DAND5: variants seen among roughly 807,000 people sequenced by gnomAD.
The protein encoded by DAND5 is DAN domain family member 5.
In DAND5, 8 loss-of-function variants were observed where a neutral mutation model predicts 9.2. The observed-to-expected ratio is 0.87, with a 90% confidence interval of 0.51 to 1.56. DAND5 has a LOEUF of 1.56. Ranked by LOEUF, DAND5 falls within the 40% of genes most tolerant of loss-of-function variation. DAND5 has a pLI of 0.00. For synonymous variants in DAND5, 95 were observed against 101.1 expected (o/e 0.94, Z 0.36); for missense variants, 244 against 244.7 (o/e 1.00, Z 0.02).
Position 12,973,863 on chromosome 19 carries a change from CTTTTT to C in DAND5, c.*242_*246del, listed in dbSNP as rs113289497. The C allele has an allele frequency of 2.7e-4, 93 of 348,550 alleles. No homozygotes were observed. Among genetic ancestry groups the C allele is most frequent in the Middle Eastern group, 8.9e-4 (1 of 1,120 alleles). 21.6% of individuals were successfully genotyped at this position (348,550 alleles called of 1,614,324 possible). A position where few individuals can be genotyped will look rare whatever the true frequency, so the allele number is the denominator to read the frequency against. ...ACAGCACACAATGATTGACAACTCA[CTTTTT>C]TTTTTTTTTTTTGAGATGGAGTCTC... is the stretch of plus-strand genomic sequence containing the variant. On this transcript the variant is annotated 3_prime_UTR_variant, in exon 2 of 2. Coordinates refer to ENST00000317060, the MANE Select transcript of DAND5 (RefSeq NM_152654.3).
rs962639553 is a variant in DAND5, at chr19:12,974,694, T to G, written c.*1060T>G. ...CCCTCTCAGACCCCCCACCTGAGTC[T>G]CCACAGAGCCCCACGCCTGGCATGG... On this transcript the variant is annotated 3_prime_UTR_variant, in exon 2 of 2. Coordinates refer to ENST00000317060, the MANE Select transcript of DAND5 (RefSeq NM_152654.3). 3.3e-5 allele frequency: 5 copies of G among 152,700 alleles called. No homozygotes were observed. The highest frequency in any genetic ancestry group is 2.6e-4 in the Admixed American group (4 of 15,280). 9.5% of individuals were successfully genotyped at this position (152,700 alleles called of 1,614,324 possible).
chr19:12,971,749 C>T (rs1444249442), intron 1 of DAND5, among the ~76,000 whole-genome samples: 1 of 151,886 alleles, frequency 6.6e-6, no homozygotes, highest in South Asian at 2.1e-4. Flanking sequence ...TGCCACCATG[C>T]TCAGCTAATT....
In DAND5 at chr19:12,973,572, C is replaced by T. The variant is rs746786431; in HGVS notation, c.508C>T (p.Arg170Cys). 1.8e-5 allele frequency: 29 copies of T among 1,614,022 alleles called. No individual in the cohort carries two copies. In the East Asian group the frequency reaches 2.9e-4, roughly 16 times the overall value. ...GTGTCTCACTGGCAGCTCAGCCTCC[C>T]GTCGACGGGTGAAGATATCCACCAT... ...LWCLTGSSAS[R>C]RRVKISTMLI... The change falls in exon 2 of 2, where the codon CGT (arginine) becomes TGT (cysteine). Residue 170 changes from arginine to cysteine, a missense_variant. Physicochemically the swap from Arg to Cys is radical, Grantham distance 180. Transcript: ENST00000317060.
rs1404027088 is a variant in DAND5, at chr19:12,973,390, T to C, written c.326T>C (p.Val109Ala). ...GMCKAVPFVQ[V>A]FSRPGCSAIR... ...CCGTCTCCATGCCTCCGGCCCCAGG[T>C]GTTCTCCCGGCCCGGCTGCTCAGCC... The change falls in exon 2 of 2, where the codon GTG (valine) becomes GCG (alanine). Residue 109 changes from valine (V) to alanine (A), a missense_variant and splice_region_variant. Transcript: ENST00000317060. 1 of 1,613,790 alleles carries C rather than the reference T, an allele frequency of 6.2e-7. No individual in the cohort carries two copies. Among genetic ancestry groups the C allele is most frequent in the Middle Eastern group, 1.7e-4 (1 of 6,058 alleles).
Position 12,973,145 on chromosome 19 carries a change from A to C in DAND5, c.325-244A>C, listed in dbSNP as rs145002597. 1.6e-3 allele frequency among the ~76,000 whole-genome samples: 248 copies of C among 152,218 alleles called. 1 individual carries two copies. Among genetic ancestry groups the C allele is most frequent in the African/African-American group, 5.8e-3 (240 of 41,532 alleles). On this transcript the variant is annotated intron_variant, in intron 1 of 1. Coordinates refer to ENST00000317060, the MANE Select transcript of DAND5 (RefSeq NM_152654.3). The stretch of plus-strand genomic sequence containing the variant: ...CCAAAGTGCTGGGATTACAGGCGTG[A>C]GCCACCGCGCCCGGCCCTTGTTGAA...
chr19:12,970,639 CTCTT>C (rs60689658), intron 1 of DAND5: 12,733 of 458,386 alleles, frequency 0.028, 452 homozygotes, highest in African/African-American at 0.13. Context: ...TTCTTTTTTT[CTCTT>C]TCTTTCTTTC....
At chr19:12,971,574 G>A (rs1279073194) in intron 1 of DAND5, among the ~76,000 whole-genome samples, 1 of 151,766 alleles carries the variant, frequency 6.6e-6, no homozygotes, top group Non-Finnish European at 1.5e-5. Flanking sequence ...ACTGCACCCG[G>A]CCTTCTTTAC....
intron 1 of DAND5, among the ~76,000 whole-genome samples, chr19:12,972,056 A>ATT (rs1491209751): frequency 4.6e-5 from 5 of 108,856 alleles, no homozygotes; most frequent in African/African-American, 1.4e-4. Flanking sequence ...AGCCCAGCTA[A>ATT]TATTTTTTTT....
intron 1 of DAND5, among the ~76,000 whole-genome samples, chr19:12,971,256 C>T (rs962944418): frequency 6.6e-5 from 10 of 151,878 alleles, no homozygotes; most frequent in Non-Finnish European, 1.3e-4. Context: ...CTTTTCTTTA[C>T]TTTTCTTTTC....
intron 1 of DAND5, among the ~76,000 whole-genome samples, chr19:12,971,959 T>C (rs1488293589): frequency 1.3e-5 from 2 of 151,738 alleles, no homozygotes; most frequent in East Asian, 1.9e-4. Flanking sequence ...GGTGCGATCA[T>C]AGCTCACTGC....
At position 12,973,362 on chromosome 19, in the gene DAND5, T is replaced by G. The variant is rs778472174; in HGVS notation, c.325-27T>G. 11 of 1,610,182 alleles carry G rather than the reference T, an allele frequency of 6.8e-6. No homozygotes were observed. In the East Asian group the frequency reaches 2.0e-4, roughly 29 times the overall value. ...ACTCTGGCCCCAAACTCCGCCACCC[T>G]GACCGTCTCCATGCCTCCGGCCCCA... On this transcript the variant is annotated intron_variant, in intron 1 of 1. Transcript: ENST00000317060.
chr19:12,971,675 C>T (rs991153830), intron 1 of DAND5, among the ~76,000 whole-genome samples: 8 of 151,302 alleles, frequency 5.3e-5, no homozygotes, highest in Admixed American at 1.3e-4. Context: ...CACTGCACCT[C>T]CATCTCCCGG....
At chr19:12,970,770 T>C (rs2011142679) in intron 1 of DAND5, among the ~76,000 whole-genome samples, 1 of 151,962 alleles carries the variant, frequency 6.6e-6, no homozygotes, top group South Asian at 2.1e-4. Flanking sequence ...AACCTCCACT[T>C]CCTGGGCTCA....
intron 1 of DAND5, among the ~76,000 whole-genome samples, chr19:12,972,622 C>G (rs2011150894): frequency 1.3e-5 from 2 of 151,442 alleles, no homozygotes; most frequent in Non-Finnish European, 1.5e-5. Flanking sequence ...CTTGCTGCAA[C>G]CTTCACCTCC....
rs199811719 is a variant in DAND5 at position 12,973,396 on chromosome 19, C to T, written c.332C>T (p.Ser111Phe). The change falls in exon 2 of 2, where the codon TCC (serine) becomes TTC (phenylalanine). Residue 111 changes from serine (S) to phenylalanine (F), a missense_variant. Transcript: ENST00000317060. Reference sequence around the variant, plus strand: ...CCATGCCTCCGGCCCCAGGTGTTCTCCCGGCCCGGCTGCTCAGCCATACGC... The same window carrying T: ...CCATGCCTCCGGCCCCAGGTGTTCTTCCGGCCCGGCTGCTCAGCCATACGC... ...CKAVPFVQVF[S>F]RPGCSAIRLR... is the part of the protein sequence containing the mutation. 71 of 1,613,948 alleles carry T rather than the reference C, an allele frequency of 4.4e-5. 1 individual carries two copies. The East Asian group carries it at 1.4e-3, about 31-fold the overall frequency.
rs774949071 is a variant in DAND5 at position 12,973,369 on chromosome 19, C to T, written c.325-20C>T. 6.2e-7 allele frequency: 1 copy of T among 1,612,300 alleles called. No homozygotes were observed. Among genetic ancestry groups the T allele is most frequent in the East Asian group, 2.2e-5 (1 of 44,876 alleles). Reference sequence around the variant, plus strand: ...CCCCAAACTCCGCCACCCTGACCGTCTCCATGCCTCCGGCCCCAGGTGTTC... The same window carrying T: ...CCCCAAACTCCGCCACCCTGACCGTTTCCATGCCTCCGGCCCCAGGTGTTC... On this transcript the variant is annotated intron_variant, in intron 1 of 1. Coordinates refer to ENST00000317060, the MANE Select transcript of DAND5 (RefSeq NM_152654.3).
At chr19:12,970,516 C>T (rs1555691026) in intron 1 of DAND5, 1 of 699,418 alleles carries the variant, frequency 1.4e-6, no homozygotes, top group Non-Finnish European at 2.6e-6. Context: ...ATCCTCCCAC[C>T]TCAGCCTCCT....
Position 12,969,697 on chromosome 19 carries a change from C to T in DAND5, c.37C>T (p.Leu13Phe), listed in dbSNP as rs1599679037. 5.0e-6 allele frequency: 8 copies of T among 1,607,388 alleles called. No individual in the cohort carries two copies. The highest frequency in any genetic ancestry group is 6.8e-6 in the Non-Finnish European group (8 of 1,177,168). The change falls in exon 1 of 2, where the codon CTT becomes TTT. Residue 13 changes from leucine to phenylalanine, a missense_variant. Transcript: ENST00000317060. ...CCAGCTATCCACTCTTCTGTGCCTG[C>T]TTAGCGGGGCCCTGCCTACAGGCTC... ...LGQLSTLLCLLSGALPTGSGR... is the reference protein window; with the variant it reads ...LGQLSTLLCLFSGALPTGSGR...
rs1005197294 is a variant in DAND5 at position 12,969,833 on chromosome 19, G to A, written c.173G>A (p.Gly58Glu). ...LPPLVPASAL[G>E]SWKAFLGLQK... ...CCACTGGTGCCAGCTTCTGCCCTTG[G>A]GAGCTGGAAGGCCTTCTTGGGCCTG... The change falls in exon 1 of 2, where the codon GGG becomes GAG. Residue 58 changes from glycine (G) to glutamate (E), a missense_variant. Coordinates refer to ENST00000317060, the MANE Select transcript of DAND5 (RefSeq NM_152654.3). The A allele has an allele frequency of 6.2e-7, 1 of 1,612,216 alleles. No individual in the cohort carries two copies. Among genetic ancestry groups the A allele is most frequent in the Non-Finnish European group, 8.5e-7 (1 of 1,179,010 alleles).
Sources: gnomAD v4.1 joint callset for allele counts (sites outside exome capture counted in the v4.1 genomes callset) on GRCh38, gnomAD v4.1.1 for gene constraint, MANE v1.5 for transcripts, NCBI Gene and HGNC (gene_info 2026-07-23, HGNC 2026-07-21) for gene names.